Variants in TRIML1 observed in about 807,000 individuals in gnomAD.
The protein encoded by TRIML1 is probable E3 ubiquitin-protein ligase TRIML1.
In TRIML1, 34 loss-of-function variants were observed where a neutral mutation model predicts 32.3. The ratio of observed to expected loss-of-function variants is 1.05; its 90% confidence interval spans 0.80 to 1.40. TRIML1 has a LOEUF of 1.40. TRIML1 is among the 40% of genes most tolerant of loss of function. The probability of loss-of-function intolerance (pLI) is 0.00; values close to 1 mark genes in which losing one functional copy is unlikely to be tolerated. For missense variants in TRIML1, 595 were observed against 574.9 expected (o/e 1.03, Z -0.36); for synonymous variants, 244 against 226.6 (o/e 1.08, Z -0.69).
chr4:188,140,407 G>C (rs1734808737), intron 1 of TRIML1, 121 bp from the exon 2 acceptor site: 1 of 743,768 alleles, frequency 1.3e-6, no homozygotes. Flanking sequence ...CAGGCGTGAG[G>C]CGCCGCACCC....
chr4:188,142,627 T>A (rs1734905525), intron 3 of TRIML1, 145 bp downstream of exon 3: 1 of 630,306 alleles, frequency 1.6e-6, no homozygotes, highest in South Asian at 2.1e-5. Context: ...ACATTCTATA[T>A]GTCAATAAAG....
rs182559968 is a variant in TRIML1, at chr4:188,140,858, C to G, written c.504+235C>G. On this transcript the variant is annotated intron_variant, in intron 2 of 5. Coordinates refer to ENST00000332517, the MANE Select transcript of TRIML1 (RefSeq NM_178556.5). ...TTTGCATAACTAGACAACGCTGTGG[C>G]TTCCTCTATGATGGCTCTGGTAGAA... 5.6e-4 allele frequency: 227 copies of G among 404,810 alleles called. 1 individual carries two copies. Among genetic ancestry groups the G allele is most frequent in the African/African-American group, 4.1e-3 (205 of 49,576 alleles). 25.1% of individuals were successfully genotyped at this position (404,810 alleles called of 1,614,324 possible).
chr4:188,149,366 C>T (rs1735191776), downstream of TRIML1, among the ~76,000 whole-genome samples: 1 of 152,264 alleles, frequency 6.6e-6, no homozygotes, highest in African/African-American at 2.4e-5. Flanking sequence ...ACCACCACTC[C>T]AGACTGTGTT....
At position 188,147,636 on chromosome 4, in the gene TRIML1, G is replaced by C. The variant is rs1293784929; in HGVS notation, c.*264G>C. 1 of 340,360 alleles carries C rather than the reference G, an allele frequency of 2.9e-6. No homozygotes were observed. The highest frequency in any genetic ancestry group is 4.8e-5 in the Admixed American group (1 of 21,040). 21.1% of individuals were successfully genotyped at this position (340,360 alleles called of 1,614,324 possible). A position where few individuals can be genotyped will look rare whatever the true frequency, so the allele number is the denominator to read the frequency against. On this transcript the variant is annotated 3_prime_UTR_variant, in exon 6 of 6. Coordinates refer to ENST00000332517, the MANE Select transcript of TRIML1 (RefSeq NM_178556.5). ...TCTGGGCTACCCCATGTGTGTGCTG[G>C]TCACTCAAATATTGAGCCCCTATTA...
chr4:188,142,074 G>A (rs147927374), intron 2 of TRIML1, among the ~76,000 whole-genome samples, 178 bp from the exon 3 acceptor site: 3,914 of 146,070 alleles, frequency 0.027, 98 homozygotes, highest in African/African-American at 0.062. Flanking sequence ...CCGAGATTGC[G>A]CCACTGCACT....
At chr4:188,138,597 G>T (rs573050112), upstream of TRIML1, among the ~76,000 whole-genome samples, 8 of 152,130 alleles carry the variant, frequency 5.3e-5, no homozygotes, top group Admixed American at 5.2e-4. Flanking sequence ...TCCACACTAG[G>T]CATTTACTTT....
rs769029038 is a variant in TRIML1, at chr4:188,139,608, T to A, written c.50T>A (p.Phe17Tyr). ...AACCTCAGGGAGGAACTCACCTGTT[T>A]CATCTGCTTAGACTATTTCAGCAGC... is the stretch of plus-strand genomic sequence containing the variant. ...MENLREELTC[F>Y]ICLDYFSSPV... The change falls in exon 1 of 6, where the codon TTC (phenylalanine) becomes TAC (tyrosine). Residue 17 changes from phenylalanine to tyrosine, a missense_variant. Coordinates refer to ENST00000332517, the MANE Select transcript of TRIML1 (RefSeq NM_178556.5). The A allele has an allele frequency of 8.7e-6, 14 of 1,610,474 alleles. No individual in the cohort carries two copies. The highest frequency in any genetic ancestry group is 1.2e-5 in the Non-Finnish European group (14 of 1,178,028).
At chr4:188,145,463 AAAAAAAAAAAAAAG>A (rs1337423002) in intron 5 of TRIML1, among the ~76,000 whole-genome samples, 660 of 51,206 alleles carry the variant, frequency 0.013, 23 homozygotes, top group Non-Finnish European at 0.027. Flanking sequence ...AAAAAAAAAA[AAAAAAAAAAAAAAG>A]TCAGAAATGG....
At chr4:188,143,927 T>TGG (rs1398811674) in intron 4 of TRIML1, 67 bp downstream of exon 4, 4 of 1,610,100 alleles carry the variant, frequency 2.5e-6, no homozygotes, top group Non-Finnish European at 3.4e-6. Flanking sequence ...CAGTTCTGAG[T>TGG]GGGGATAGGA....
At chr4:188,149,749 C>G (rs1735201788), downstream of TRIML1, among the ~76,000 whole-genome samples, 1 of 152,230 alleles carries the variant, frequency 6.6e-6, no homozygotes, top group East Asian at 1.9e-4. Context: ...CAGAGGGGAG[C>G]CCAGCACGTC....
At chr4:188,146,714 A>T in intron 5 of TRIML1, 108 bp from the exon 6 acceptor site, 2 of 932,602 alleles carry the variant, frequency 2.1e-6, no homozygotes, top group Non-Finnish European at 3.0e-6. Flanking sequence ...GCCCCAAATT[A>T]CATTTAAAAA....
In TRIML1 at chr4:188,140,508, AG is replaced by A. The variant is rs1734813229; in HGVS notation, c.409-17del. ...CTGGGACTCTGCTCATTTGCCAGAAAGGGTTTGTTTCTATTGCAGGAGAAAC... is the reference window on the plus strand; with the variant it reads ...CTGGGACTCTGCTCATTTGCCAGAAAGGTTTGTTTCTATTGCAGGAGAAAC... On this transcript the variant is annotated intron_variant, in intron 1 of 5. Coordinates refer to ENST00000332517, the MANE Select transcript of TRIML1 (RefSeq NM_178556.5). 7.5e-6 allele frequency: 12 copies of A among 1,598,614 alleles called. No individual in the cohort carries two copies. Among genetic ancestry groups the A allele is most frequent in the Non-Finnish European group, 9.4e-6 (11 of 1,167,324 alleles).
upstream of TRIML1, among the ~76,000 whole-genome samples, chr4:188,138,775 GC>G (rs11290838): frequency 0.7 from 105,553 of 151,706 alleles, 38,419 homozygotes; most frequent in Non-Finnish European, 0.81. Flanking sequence ...TAGTGGGATA[GC>G]CTCTTGAGGC....
At chr4:188,149,009 G>A (rs1375324135), downstream of TRIML1, among the ~76,000 whole-genome samples, 11 of 149,156 alleles carry the variant, frequency 7.4e-5, no homozygotes, top group African/African-American at 2.2e-4. Context: ...TGCCTCCTGG[G>A]TTCACGCCAT....
At chr4:188,137,636 C>T (rs750491057), upstream of TRIML1, among the ~76,000 whole-genome samples, 1 of 151,840 alleles carries the variant, frequency 6.6e-6, no homozygotes, top group East Asian at 1.9e-4. Flanking sequence ...TGCCACCATG[C>T]CCGGCTAATT....
At chr4:188,144,166 C>T (rs1734970691) in intron 5 of TRIML1, 33 bp downstream of exon 5, 1 of 1,573,164 alleles carries the variant, frequency 6.4e-7, no homozygotes, top group Non-Finnish European at 8.7e-7. Flanking sequence ...CCCTCCGGGG[C>T]TCGAAGAATT....
chr4:188,137,293 GTCT>G (rs1478382901), upstream of TRIML1, among the ~76,000 whole-genome samples: 1 of 117,206 alleles, frequency 8.5e-6, no homozygotes, highest in Admixed American at 1.0e-4. Context: ...TGTTATTGTA[GTCT>G]TTTTTTTTTT....
intron 4 of TRIML1, 66 bp from the exon 5 acceptor site, chr4:188,143,970 G>A (rs1734959102): frequency 1.2e-6 from 2 of 1,603,754 alleles, no homozygotes; most frequent in African/African-American, 1.3e-5. Context: ...GAAATGAGGT[G>A]GACTCTCCAG....
intron 5 of TRIML1, among the ~76,000 whole-genome samples, chr4:188,144,825 G>A (rs527816600): frequency 2.0e-5 from 3 of 152,200 alleles, no homozygotes; most frequent in South Asian, 4.1e-4. Context: ...TGCATTCAAC[G>A]AACTGTCCTT....
Sources: gnomAD v4.1 joint callset for allele counts (sites outside exome capture counted in the v4.1 genomes callset) on GRCh38, gnomAD v4.1.1 for gene constraint, MANE v1.5 for transcripts, NCBI Gene and HGNC (gene_info 2026-07-23, HGNC 2026-07-21) for gene names.